MALAT1: variants seen among roughly 807,000 people sequenced by gnomAD.
MALAT1 encodes metastasis associated lung adenocarcinoma transcript 1.
chr11:65,502,250 G>T, exon 3 of MALAT1: 1 of 518,848 alleles, frequency 1.9e-6, no homozygotes, highest in Non-Finnish European at 3.8e-6. Flanking sequence ...AAGTTGTTTG[G>T]ATATGGTAGT....
exon 3 of MALAT1, chr11:65,500,816 T>C (rs1192908959): frequency 7.7e-6 from 4 of 518,880 alleles, no homozygotes; most frequent in East Asian, 5.4e-5. Context: ...TTACTTATGG[T>C]AACCTTTTAT....
chr11:65,506,511 A>G (rs747467713), downstream of MALAT1: 2 of 267,300 alleles, frequency 7.5e-6, no homozygotes, highest in South Asian at 3.3e-5. Flanking sequence ...TTGATTGGGG[A>G]AAAAAGATGG....
intron 2 of MALAT1, chr11:65,498,853 G>A (rs1299393794): frequency 1.9e-6 from 1 of 518,496 alleles, no homozygotes; most frequent in Non-Finnish European, 3.8e-6. Context: ...AGTAATTTAA[G>A]TATTTCTGCA....
At chr11:65,504,609 T>C (rs762042804) in intron 3 of MALAT1, 4 of 518,958 alleles carry the variant, frequency 7.7e-6, no homozygotes, top group Non-Finnish European at 1.5e-5. Flanking sequence ...AAATGCTTTT[T>C]GTTCATTTCT....
At chr11:65,497,768 G>T (rs1176304964) in exon 1 of MALAT1, 2 of 463,304 alleles carry the variant, frequency 4.3e-6, no homozygotes. Flanking sequence ...TTCTGTAAAG[G>T]ACTGGGGCCC....
chr11:65,503,973 A>G (rs959300452), intron 3 of MALAT1: 22 of 515,742 alleles, frequency 4.3e-5, no homozygotes, highest in South Asian at 3.0e-4. Context: ...GGGTCTATAA[A>G]TTGACAGTGA....
intron 3 of MALAT1, chr11:65,506,082 G>T: frequency 4.9e-6 from 2 of 412,234 alleles, no homozygotes; most frequent in Non-Finnish European, 4.7e-6. Context: ...TTTGCTTTTT[G>T]GCCTTTTTCT....
exon 3 of MALAT1, chr11:65,501,844 G>C (rs776166236): frequency 1.9e-6 from 1 of 517,504 alleles, no homozygotes; most frequent in Non-Finnish European, 3.9e-6. Context: ...TATTAAAGGG[G>C]AGGGGCAAAT....
chr11:65,501,022 C>A, exon 3 of MALAT1: 1 of 503,986 alleles, frequency 2.0e-6, no homozygotes, highest in South Asian at 1.5e-5. Flanking sequence ...TTTTTTTTTA[C>A]ACGAATTTGA....
exon 3 of MALAT1, chr11:65,503,120 GGT>G (rs1491254258): frequency 2.0e-6 from 1 of 508,402 alleles, no homozygotes; most frequent in Admixed American, 2.0e-5. Flanking sequence ...GCCTCAGACA[GGT>G]ATCTCTTCGT....
exon 3 of MALAT1, chr11:65,499,802 G>C (rs1422748361): frequency 2.4e-6 from 1 of 417,472 alleles, no homozygotes; most frequent in Non-Finnish European, 4.6e-6. Flanking sequence ...AGACAAGCTA[G>C]GAAACAAAAA....
rs191309229 is a variant in MALAT1, at chr11:65,505,778, A to G, written n.5169-482A>G. The stretch of plus-strand genomic sequence containing the variant: ...ACCACAGCTAAGTAGCTCTATTATA[A>G]TACTTATCCAGTGACTAAAACCAAC... On this transcript the variant is annotated intron_variant and non_coding_transcript_variant, in intron 3 of 3. Coordinates refer to ENST00000619449, the Ensembl canonical transcript of MALAT1. The G allele has an allele frequency of 2.1e-5, 11 of 517,218 alleles. No individual in the cohort carries two copies. In the East Asian group the frequency reaches 5.4e-4, roughly 26 times the overall value. 32.0% of individuals were successfully genotyped at this position (517,218 alleles called of 1,614,324 possible).
At chr11:65,499,962 A>G (rs1264284065) in exon 3 of MALAT1, 3 of 429,600 alleles carry the variant, frequency 7.0e-6, no homozygotes, top group African/African-American at 6.2e-5. Flanking sequence ...ATATAAAGCC[A>G]AAAATTGGAT....
rs746073535 is a variant in MALAT1 at position 65,501,447 on chromosome 11, C to CT, written n.2716dup. On this transcript the variant is annotated non_coding_transcript_exon_variant, in exon 3 of 4. Transcript: ENST00000619449. ...ATTGGAGAAATGGCTGGTAGTTACT[C>CT]TTTTTTCCCCCCACCCCCTTAATCA... 4.1e-5 allele frequency: 21 copies of CT among 514,434 alleles called. No individual in the cohort carries two copies. In the East Asian group the frequency reaches 1.0e-3, roughly 25 times the overall value. The allele number at this position is 514,434 out of a possible 1,614,324, so 31.9% of individuals were successfully genotyped here.
chr11:65,498,398 G>C (rs991639184), intron 1 of MALAT1: 1 of 518,420 alleles, frequency 1.9e-6, no homozygotes, highest in Non-Finnish European at 3.8e-6. Flanking sequence ...ACGGCCCCCG[G>C]GGCTCAGGCG....
exon 3 of MALAT1, chr11:65,499,243 A>T (rs778074795): frequency 2.0e-6 from 1 of 505,672 alleles, no homozygotes; most frequent in East Asian, 5.5e-5. Flanking sequence ...AAGAGAAAAT[A>T]TGAAGACTTA....
At chr11:65,500,192 A>G (rs772210372) in exon 3 of MALAT1, 1 of 509,664 alleles carries the variant, frequency 2.0e-6, no homozygotes, top group Non-Finnish European at 3.9e-6. Flanking sequence ...TAATTTAAAA[A>G]AAACTAAGGC....
chr11:65,504,905 A>G (rs1854646208), intron 3 of MALAT1: 1 of 518,836 alleles, frequency 1.9e-6, no homozygotes, highest in Admixed American at 1.9e-5. Flanking sequence ...AAATAAACCA[A>G]ACATTCCATT....
chr11:65,506,492 A>T (rs1854702983), downstream of MALAT1: 1 of 281,164 alleles, frequency 3.6e-6, no homozygotes, highest in Non-Finnish European at 7.1e-6. Context: ...TTTTGTGAAT[A>T]AAAAAATCTT....
Sources: gnomAD v4.1 joint callset for allele counts on GRCh38, gnomAD v4.1.1 for gene constraint, MANE v1.5 for transcripts, NCBI Gene and HGNC (gene_info 2026-07-23, HGNC 2026-07-21) for gene names.